Variants in C6orf89 observed in about 807,000 individuals in gnomAD.
C6orf89 encodes chromosome 6 open reading frame 89, also known as bombesin receptor-activated protein C6orf89.
A neutral mutation model predicts 40.7 loss-of-function variants in C6orf89; 29 were observed. The observed-to-expected ratio is 0.71, with a 90% confidence interval of 0.53 to 0.97. The LOEUF (loss-of-function observed/expected upper bound fraction) is 0.97, where lower values mean the gene tolerates loss of function less well. Ranked by LOEUF, C6orf89 falls within the 50% of genes least tolerant of loss-of-function variation. The pLI, the probability that C6orf89 is intolerant of heterozygous loss-of-function variation, is 0.00. For synonymous variants in C6orf89, 165 were observed against 152.2 expected (o/e 1.08, Z -0.62); for missense variants, 392 against 429.1 (o/e 0.91, Z 0.76).
exon 1 of C6orf89, chr6:36,871,949 A>C: frequency 7.7e-7 from 1 of 1,300,408 alleles, no homozygotes. Context: ...CTGCTCCAGG[A>C]CTCTTGATTT....
intron 2 of C6orf89, among the ~76,000 whole-genome samples, chr6:36,897,554 C>T (rs1290321200): frequency 6.6e-6 from 1 of 152,184 alleles, no homozygotes; most frequent in African/African-American, 2.4e-5. Context: ...TCTCATTCCC[C>T]CAGTTCCTGG....
Position 36,899,648 on chromosome 6 carries a change from G to C in C6orf89, c.189+15G>C. On this transcript the variant is annotated intron_variant, in intron 3 of 8. Coordinates refer to ENST00000480824, the MANE Select transcript of C6orf89 (RefSeq NM_001286635.2). ...TTGTGTATAAGGTAAAATGTTTCCT[G>C]AGTTGGTAATTGCTTCAACAGAACA... 4.3e-6 allele frequency: 7 copies of C among 1,611,906 alleles called. No homozygotes were observed. Among genetic ancestry groups the C allele is most frequent in the Non-Finnish European group, 5.9e-6 (7 of 1,178,094 alleles).
In C6orf89 at chr6:36,912,798, CG is replaced by C. The variant is rs1251549778; in HGVS notation, c.404-1484del. The stretch of plus-strand genomic sequence containing the variant: ...TCAGCAGACCGGCCAAGAACAAACA[CG>C]GTCTTTCCCTGACGAGGATTTCCTA... On this transcript the variant is annotated intron_variant, in intron 4 of 8. Transcript: ENST00000480824. 3.9e-5 allele frequency among the ~76,000 whole-genome samples: 6 copies of C among 152,360 alleles called. No homozygotes were observed. In the South Asian group the frequency reaches 1.0e-3, roughly 26 times the overall value.
intron 4 of C6orf89, among the ~76,000 whole-genome samples, chr6:36,913,198 CT>C (rs1561872620): frequency 6.6e-6 from 1 of 152,184 alleles, no homozygotes; most frequent in African/African-American, 2.4e-5. Flanking sequence ...ACAAGAGCCC[CT>C]CAGAGAAGGA....
rs762630081 is a variant in C6orf89 at position 36,923,331 on chromosome 6, G to C, written c.950-16G>C. The C allele has an allele frequency of 3.1e-6, 5 of 1,603,246 alleles. No individual in the cohort carries two copies. The highest frequency in any genetic ancestry group is 3.3e-5 in the Admixed American group (2 of 59,886). Reference sequence around the variant, plus strand: ...TCTGACATTTACATGCCTTCCTCTTGCTATTTCCCCTCAAGGCTATGTCGA... The same window carrying C: ...TCTGACATTTACATGCCTTCCTCTTCCTATTTCCCCTCAAGGCTATGTCGA... On this transcript the variant is annotated splice_polypyrimidine_tract_variant and intron_variant, in intron 8 of 8. Transcript: ENST00000480824.
At chr6:36,890,594 T>G (rs1406819257) in intron 1 of C6orf89, among the ~76,000 whole-genome samples, 1 of 152,220 alleles carries the variant, frequency 6.6e-6, no homozygotes. Flanking sequence ...GGTGCCATGA[T>G]GTGATCTCTG....
intron 4 of C6orf89, among the ~76,000 whole-genome samples, chr6:36,909,268 G>A (rs560349288): frequency 6.7e-6 from 1 of 149,096 alleles, no homozygotes; most frequent in East Asian, 2.0e-4. Flanking sequence ...TTTTCTGTAA[G>A]ATATATTCTT....
chr6:36,875,582 G>C (rs1006206025), intron 1 of C6orf89, among the ~76,000 whole-genome samples: 5 of 152,234 alleles, frequency 3.3e-5, no homozygotes, highest in Non-Finnish European at 7.3e-5. Context: ...AATTAGAGGA[G>C]CTATAATGTT....
intron 4 of C6orf89, among the ~76,000 whole-genome samples, chr6:36,908,591 A>G (rs1427818675): frequency 6.6e-6 from 1 of 152,226 alleles, no homozygotes; most frequent in Non-Finnish European, 1.5e-5. Context: ...CTTAATATAT[A>G]TAAATAGAAA....
chr6:36,899,888 T>G (rs527348113), intron 3 of C6orf89, among the ~76,000 whole-genome samples: 8 of 152,126 alleles, frequency 5.3e-5, no homozygotes, highest in Non-Finnish European at 1.0e-4. Flanking sequence ...TGTTTGTTTG[T>G]TGTGTGTGTG....
At chr6:36,878,838 A>T (rs980247138) in intron 1 of C6orf89, among the ~76,000 whole-genome samples, 3 of 152,024 alleles carry the variant, frequency 2.0e-5, no homozygotes, top group Non-Finnish European at 4.4e-5. Context: ...CTCACTTCCT[A>T]TTGCTGTACG....
chr6:36,893,154 T>C (rs1761284396), intron 1 of C6orf89, among the ~76,000 whole-genome samples: 1 of 152,144 alleles, frequency 6.6e-6, no homozygotes, highest in East Asian at 1.9e-4. Flanking sequence ...CAGGATGGTC[T>C]TGATCTCCTG....
At chr6:36,900,990 G>A (rs965891224) in intron 3 of C6orf89, among the ~76,000 whole-genome samples, 13 of 152,100 alleles carry the variant, frequency 8.5e-5, no homozygotes, top group Non-Finnish European at 1.5e-4. Flanking sequence ...GGGATTACAG[G>A]CATGCGCAAC....
rs1381525531 is a variant in C6orf89 at position 36,927,170 on chromosome 6, G to A, written c.*3729G>A. The A allele has an allele frequency of 2.0e-5, 3 of 152,198 alleles. No homozygotes were observed. Among genetic ancestry groups the A allele is most frequent in the African/African-American group, 7.2e-5 (3 of 41,436 alleles). 9.4% of individuals were successfully genotyped at this position (152,198 alleles called of 1,614,324 possible). On this transcript the variant is annotated 3_prime_UTR_variant, in exon 9 of 9. Coordinates refer to ENST00000480824, the MANE Select transcript of C6orf89 (RefSeq NM_001286635.2). Reference sequence around the variant, plus strand: ...GGACTCTGCTCAATTCCAGTTGTGGGTCCCCTTGGAGTTTACATCACTTGT... The same window carrying A: ...GGACTCTGCTCAATTCCAGTTGTGGATCCCCTTGGAGTTTACATCACTTGT...
At chr6:36,904,728 A>G (rs190618437) in intron 4 of C6orf89, among the ~76,000 whole-genome samples, 2 of 152,326 alleles carry the variant, frequency 1.3e-5, no homozygotes, top group African/African-American at 4.8e-5. Flanking sequence ...CATTTAAAGT[A>G]AATGCAAGGG....
intron 1 of C6orf89, among the ~76,000 whole-genome samples, chr6:36,886,334 C>A (rs938661061): frequency 1.3e-5 from 2 of 152,190 alleles, no homozygotes; most frequent in African/African-American, 2.4e-5. Flanking sequence ...TTGAGCGTTG[C>A]TAATGAAGTC....
chr6:36,922,590 C>T (rs1195149066), intron 8 of C6orf89, among the ~76,000 whole-genome samples: 4 of 152,170 alleles, frequency 2.6e-5, no homozygotes, highest in Non-Finnish European at 5.9e-5. Flanking sequence ...TGGGAAATGC[C>T]TGTCTTGTTG....
chr6:36,889,582 C>CAAAAAAAAAAAAAAAA (rs58417436), intron 1 of C6orf89, among the ~76,000 whole-genome samples: 3 of 140,510 alleles, frequency 2.1e-5, no homozygotes, highest in African/African-American at 5.2e-5. Flanking sequence ...AAAACAAAAA[C>CAAAAAAAAAAAAAAAA]AAAAAAAAAA....
At chr6:36,876,636 A>G (rs1774659713) in intron 1 of C6orf89, among the ~76,000 whole-genome samples, 1 of 151,666 alleles carries the variant, frequency 6.6e-6, no homozygotes, top group African/African-American at 2.4e-5. Flanking sequence ...AGGCAGGAGA[A>G]TCACTTGAAC....
Sources: gnomAD v4.1 joint callset for allele counts (sites outside exome capture counted in the v4.1 genomes callset) on GRCh38, gnomAD v4.1.1 for gene constraint, MANE v1.5 for transcripts, NCBI Gene and HGNC (gene_info 2026-07-23, HGNC 2026-07-21) for gene names.